GLIS3: variants seen among roughly 807,000 people sequenced by gnomAD.
GLIS3 encodes the protein zinc finger protein GLIS3.
GLIS3 carries 53 observed loss-of-function variants against 78.6 expected under a neutral mutation model. That is an observed-to-expected ratio of 0.67 (90% CI 0.54 to 0.85). The LOEUF (loss-of-function observed/expected upper bound fraction) is 0.85, where lower values mean the gene tolerates loss of function less well. Among genes scored for constraint, GLIS3 ranks in the 40% least tolerant of loss-of-function variants. The pLI is 0.00. For missense variants in GLIS3, 1,703 were observed against 1,231.1 expected (o/e 1.38, Z -5.74); for synonymous variants, 684 against 509.9 (o/e 1.34, Z -4.60).
chr9:3,967,033 AC>A (rs143103439), intron 4 of GLIS3, among the ~76,000 whole-genome samples: 17,116 of 105,968 alleles, frequency 0.16, 3,779 homozygotes, highest in East Asian at 0.28. Flanking sequence ...AAAAAAAAAA[AC>A]AAAAAAACAT....
At chr9:3,838,315 T>C (rs1353861583) in intron 9 of GLIS3, among the ~76,000 whole-genome samples, 2 of 152,198 alleles carry the variant, frequency 1.3e-5, no homozygotes, top group African/African-American at 4.8e-5. Flanking sequence ...ATATCTTTCT[T>C]ATTTCCATAC....
intron 4 of GLIS3, among the ~76,000 whole-genome samples, chr9:4,307,208 G>A (rs535214804): frequency 3.3e-5 from 5 of 152,180 alleles, no homozygotes; most frequent in Admixed American, 1.3e-4. Context: ...AGCCTCCCTT[G>A]GCTCCAGGGC....
At chr9:4,346,183 T>C (rs906364790) in intron 2 of GLIS3, among the ~76,000 whole-genome samples, 1 of 152,222 alleles carries the variant, frequency 6.6e-6, no homozygotes, top group African/African-American at 2.4e-5. Flanking sequence ...ATATGAAAAC[T>C]AGAGGTTTTA....
At position 3,937,020 on chromosome 9, in the gene GLIS3, A is replaced by G. The variant is rs201468976; in HGVS notation, c.1872+8T>C. ...GGTTGGAAACTGGAAAGCTCCTGCC[A>G]TTCTTACGGTGTCCAGATGCGTCCG... On this transcript the variant is annotated splice_region_variant and intron_variant, in intron 5 of 10. Transcript: ENST00000381971. The G allele has an allele frequency of 1.5e-5, 24 of 1,612,416 alleles. No individual in the cohort carries two copies. The highest frequency in any genetic ancestry group is 1.9e-5 in the Non-Finnish European group (23 of 1,179,928).
chr9:3,845,561 A>G (rs1022619806), intron 9 of GLIS3, among the ~76,000 whole-genome samples: 1 of 152,216 alleles, frequency 6.6e-6, no homozygotes, highest in Non-Finnish European at 1.5e-5. Context: ...CTTTTATAAT[A>G]TAAAAAGTCA....
At chr9:3,976,399 C>A (rs1385264629) in intron 4 of GLIS3, among the ~76,000 whole-genome samples, 3 of 151,942 alleles carry the variant, frequency 2.0e-5, no homozygotes, top group Non-Finnish European at 2.9e-5. Flanking sequence ...ATTTTTCTTC[C>A]AAATTGGAGG....
chr9:4,427,221 T>A, the GLIS3 span, among the ~76,000 whole-genome samples: 1 of 152,188 alleles, frequency 6.6e-6, no homozygotes, highest in Non-Finnish European at 1.5e-5. Flanking sequence ...GGAAAAACCA[T>A]CCTGATTGCA....
chr9:4,245,225 A>C (rs1160847611), intron 2 of GLIS3, among the ~76,000 whole-genome samples: 1 of 152,214 alleles, frequency 6.6e-6, no homozygotes, highest in African/African-American at 2.4e-5. Flanking sequence ...TTTTGTAGGT[A>C]TGTGGCCTCA....
At chr9:4,216,662 A>G (rs1218611358) in intron 2 of GLIS3, among the ~76,000 whole-genome samples, 1 of 152,104 alleles carries the variant, frequency 6.6e-6, no homozygotes, top group Non-Finnish European at 1.5e-5. Flanking sequence ...TTCTTGTTTT[A>G]AGCTCTATCC....
chr9:4,392,477 G>A, the GLIS3 span, among the ~76,000 whole-genome samples: 1 of 152,138 alleles, frequency 6.6e-6, no homozygotes, highest in African/African-American at 2.4e-5. Flanking sequence ...GGTAGAACCT[G>A]CCTCCTCTCC....
intron 4 of GLIS3, among the ~76,000 whole-genome samples, chr9:4,037,969 C>A (rs932655864): frequency 6.6e-6 from 1 of 151,832 alleles, no homozygotes; most frequent in African/African-American, 2.4e-5. Context: ...AAAAAAATCA[C>A]TTCATTGGAT....
intron 4 of GLIS3, among the ~76,000 whole-genome samples, chr9:3,953,789 C>T (rs955591583): frequency 2.2e-5 from 1 of 45,522 alleles, no homozygotes; most frequent in African/African-American, 7.7e-5. Context: ...CTCTCTCTCT[C>T]TCTCTCTATA....
chr9:4,205,507 G>C (rs1819795567), intron 2 of GLIS3, among the ~76,000 whole-genome samples: 1 of 152,214 alleles, frequency 6.6e-6, no homozygotes, highest in Non-Finnish European at 1.5e-5. Context: ...TTTGATGTGA[G>C]AATGTGATGT....
At chr9:3,949,572 A>T (rs1816528239) in intron 4 of GLIS3, among the ~76,000 whole-genome samples, 1 of 152,226 alleles carries the variant, frequency 6.6e-6, no homozygotes, top group Non-Finnish European at 1.5e-5. Flanking sequence ...ATACAAATTT[A>T]CCAACAGTAA....
chr9:4,088,928 C>G (rs1045539220), intron 4 of GLIS3, among the ~76,000 whole-genome samples: 6 of 152,250 alleles, frequency 3.9e-5, no homozygotes, highest in Middle Eastern at 6.8e-3. Flanking sequence ...CTTCATTCCT[C>G]GAGAAAAAAA....
At position 4,004,403 on chromosome 9, in the gene GLIS3, A is replaced by G. The variant is rs968518976; in HGVS notation, c.1711-67214T>C. ...ACATGAATCACCTAAATCCCTCTAC[A>G]AATACCAAAAAAATGTTTTTGATGA... On this transcript the variant is annotated intron_variant, in intron 4 of 10. Coordinates refer to ENST00000381971, the MANE Select transcript of GLIS3 (RefSeq NM_001042413.2). 3.9e-5 allele frequency among the ~76,000 whole-genome samples: 6 copies of G among 152,276 alleles called. No homozygotes were observed. The East Asian group carries it at 1.2e-3, about 29-fold the overall frequency.
At chr9:4,488,969 C>A in the GLIS3 span, among the ~76,000 whole-genome samples, 1 of 151,874 alleles carries the variant, frequency 6.6e-6, no homozygotes. Context: ...CAGGTTCAAG[C>A]GATTCTCCTC....
chr9:4,140,955 C>T (rs553104862), intron 2 of GLIS3, among the ~76,000 whole-genome samples: 23 of 152,228 alleles, frequency 1.5e-4, no homozygotes, highest in African/African-American at 4.1e-4. Context: ...CGTGCCACCA[C>T]GCTCAGCTAA....
At chr9:4,222,560 C>A (rs186364476) in intron 2 of GLIS3, among the ~76,000 whole-genome samples, 30 of 152,192 alleles carry the variant, frequency 2.0e-4, no homozygotes, top group Admixed American at 5.2e-4. Context: ...CCCCATGGTA[C>A]TGGAGTTTGC....
Sources: allele counts gnomAD v4.1 joint callset (sites outside exome capture counted in the v4.1 genomes callset), GRCh38; gene constraint gnomAD v4.1.1; transcripts MANE v1.5; gene names NCBI Gene and HGNC (gene_info 2026-07-23, HGNC 2026-07-21).